HMCN1: variants seen among roughly 807,000 people sequenced by gnomAD.
HMCN1 encodes the protein hemicentin-1.
A neutral mutation model predicts 625.9 loss-of-function variants in HMCN1; 321 were observed. The observed-to-expected ratio is 0.51, with a 90% CI of 0.47 to 0.56. HMCN1 has a LOEUF of 0.56. Ranked by LOEUF, HMCN1 falls within the 20% of genes least tolerant of loss-of-function variation. The pLI, the probability that HMCN1 is intolerant of heterozygous loss-of-function variation, is 0.00. For synonymous variants in HMCN1, 2,425 were observed against 2,417.6 expected, an observed-to-expected ratio of 1.00 and a Z score of -0.09; for missense variants, 6,588 against 6,887.3, an observed-to-expected ratio of 0.96 and a Z score of 1.54.
chr1:186,019,435 C>A, intron 34 of HMCN1, 106 bp from the exon 35 acceptor site: 1 of 707,378 alleles, frequency 1.4e-6, no homozygotes, highest in Non-Finnish European at 2.4e-6. Flanking sequence ...TAGGGATTTG[C>A]TTTTTTTTTT....
chr1:186,161,913 C>T (rs1055459133), intron 97 of HMCN1, among the ~76,000 whole-genome samples: 3 of 152,096 alleles, frequency 2.0e-5, no homozygotes, highest in South Asian at 2.1e-4. Flanking sequence ...TTGCTCTTCT[C>T]AAGGAGTATC....
rs566400224 is a variant in HMCN1, at chr1:186,160,256, C to G, written c.15257-4855C>G. ...ATGGTAGTTTGTATTTCTGTGGGAT[C>G]GGTGGTGATATCCCCTTTATCATTT... On this transcript the variant is annotated intron_variant, in intron 97 of 106. Coordinates refer to ENST00000271588, the MANE Select transcript of HMCN1 (RefSeq NM_031935.3). Among the ~76,000 whole-genome samples the G allele has an allele frequency of 9.0e-3, 1,223 of 135,938 alleles. 5 individuals carry two copies. Among genetic ancestry groups the G allele is most frequent in the African/African-American group, 0.029 (996 of 34,648 alleles). The allele number at this position is 135,938 out of a possible 152,430, so 89.2% of individuals were successfully genotyped here. A position where few individuals can be genotyped will look rare whatever the true frequency, so the allele number is the denominator to read the frequency against.
chr1:185,767,673 T>A (rs1407136), intron 1 of HMCN1, among the ~76,000 whole-genome samples: 86,887 of 152,072 alleles, frequency 0.57, 27,955 homozygotes, highest in African/African-American at 0.89. Context: ...CAAATGTTGG[T>A]TATGTAATAT....
chr1:185,905,227 C>T lies in HMCN1; in HGVS notation c.622-4110C>T, dbSNP rs922271519. Among the ~76,000 whole-genome samples, 4 of 151,732 alleles carry T rather than the reference C, an allele frequency of 2.6e-5. No homozygotes were observed. The East Asian group carries it at 7.7e-4, about 29-fold the overall frequency. ...AGACCTGATATAAAATTCTTCCCTC[C>T]CTCCCATTTTCTCTCTCTCTTGTCC... is the stretch of plus-strand genomic sequence containing the variant. On this transcript the variant is annotated intron_variant, in intron 4 of 106. Coordinates refer to ENST00000271588, the MANE Select transcript of HMCN1 (RefSeq NM_031935.3).
At chr1:185,915,188 G>T (rs928434759) in intron 6 of HMCN1, among the ~76,000 whole-genome samples, 1 of 151,994 alleles carries the variant, frequency 6.6e-6, no homozygotes, top group Admixed American at 6.6e-5. Flanking sequence ...TGCAGGTAAA[G>T]CATGTTAAAA....
chr1:186,161,243 C>T (rs1181978709), intron 97 of HMCN1, among the ~76,000 whole-genome samples: 2 of 151,198 alleles, frequency 1.3e-5, no homozygotes, highest in Non-Finnish European at 3.0e-5. Flanking sequence ...GGATTGCAAC[C>T]CCTGCCTTTT....
rs148307758 is a variant in HMCN1 at position 186,081,236 on chromosome 1, G to A, written c.8629G>A (p.Asp2877Asn). The A allele has an allele frequency of 5.9e-5, 96 of 1,613,638 alleles. No homozygotes were observed. The highest frequency in any genetic ancestry group is 1.6e-4 in the Middle Eastern group (1 of 6,080). ...GCCAATTATCAAGGGAGCAAATAGT[G>A]ATCTCCCTGAAGAGGTCACCGTGCT... Reference protein sequence around the residue: ...VPPIIKGANSDLPEEVTVLVN... With the variant: ...VPPIIKGANSNLPEEVTVLVN... Residue 2877 changes from aspartate (D) to asparagine (N), a missense_variant, in exon 56 of 107, where the codon GAT becomes AAT. Asp to Asn is a conservative substitution (Grantham distance 23). This residue lies in a region of HMCN1 where 4,628 missense variants were observed against 4,853.1 expected (regional missense o/e 0.95). Transcript: ENST00000271588.
intron 62 of HMCN1, 72 bp from the exon 63 acceptor site, chr1:186,088,529 CATTTT>C (rs1170726147): frequency 6.6e-7 from 1 of 1,515,610 alleles, no homozygotes; most frequent in Non-Finnish European, 9.0e-7. Context: ...TAAAGTAAGA[CATTTT>C]ATCATGAATT....
intron 1 of HMCN1, among the ~76,000 whole-genome samples, chr1:185,841,577 C>G (rs1024971491): frequency 6.6e-6 from 1 of 152,178 alleles, no homozygotes; most frequent in Non-Finnish European, 1.5e-5. Flanking sequence ...CCTCCTTCCT[C>G]CTATATTCAA....
chr1:186,180,836 A>C (rs1652887521), intron 104 of HMCN1, among the ~76,000 whole-genome samples: 2 of 152,208 alleles, frequency 1.3e-5, no homozygotes, highest in Admixed American at 6.5e-5. Context: ...ATTGGGACTA[A>C]TGAAGAAATA....
intron 106 of HMCN1, among the ~76,000 whole-genome samples, chr1:186,189,101 G>T (rs1362698607): frequency 2.0e-5 from 3 of 152,044 alleles, no homozygotes; most frequent in Non-Finnish European, 4.4e-5. Context: ...AATATATTTT[G>T]TTTCACCTTT....
rs116197078 is a variant in HMCN1 at position 185,873,173 on chromosome 1, T to C, written c.621+7310T>C. On this transcript the variant is annotated intron_variant, in intron 4 of 106. Coordinates refer to ENST00000271588, the MANE Select transcript of HMCN1 (RefSeq NM_031935.3). ...TTTTGATTAGAAGCTAAATAAAATA[T>C]CAAGTTTGACTATGAGATGTTAGAG... Among the ~76,000 whole-genome samples the C allele has an allele frequency of 2.0e-3, 297 of 152,268 alleles. 1 individual carries two copies. The Middle Eastern group carries it at 0.027, about 14-fold the overall frequency.
intron 42 of HMCN1, among the ~76,000 whole-genome samples, chr1:186,051,244 A>T (rs1558177374): frequency 6.6e-6 from 1 of 152,104 alleles, no homozygotes; most frequent in Non-Finnish European, 1.5e-5. Flanking sequence ...TCAGGTCTGT[A>T]TTTTAGAAGA....
At chr1:186,015,856 T>G in intron 31 of HMCN1, 102 bp from the exon 32 acceptor site, 1 of 1,142,272 alleles carries the variant, frequency 8.8e-7, no homozygotes, top group Non-Finnish European at 1.3e-6. Flanking sequence ...ATTTTAATGG[T>G]CAAACTTTGT....
At chr1:186,156,704 C>G (rs115890876) in intron 97 of HMCN1, among the ~76,000 whole-genome samples, 1 of 152,100 alleles carries the variant, frequency 6.6e-6, no homozygotes, top group Admixed American at 6.5e-5. Flanking sequence ...GTTTTATCCA[C>G]TGTTATTTAT....
rs763947609 is a variant in HMCN1, at chr1:186,112,943, C to A, written c.11121C>A (p.Leu3707=). 7 of 1,613,942 alleles carry A rather than the reference C, an allele frequency of 4.3e-6. No individual in the cohort carries two copies. Among genetic ancestry groups the A allele is most frequent in the Non-Finnish European group, 5.1e-6 (6 of 1,179,964 alleles). ...IAGKTTREFI[L]TVNVPPNIKG... ...GAAAGACTACAAGAGAATTTATTCT[C>A]ACTGTAAATGGTAAGAAAAGGTATT... The change falls in exon 72 of 107, where the codon CTC becomes CTA. Residue 3707 remains leucine, a synonymous_variant. Transcript: ENST00000271588.
chr1:186,069,942 G>T (rs1010339782), intron 51 of HMCN1, among the ~76,000 whole-genome samples, 166 bp downstream of exon 51: 2 of 152,256 alleles, frequency 1.3e-5, no homozygotes, highest in South Asian at 4.1e-4. Flanking sequence ...TGTGTCTATG[G>T]CCTCAATTGC....
intron 84 of HMCN1, 103 bp downstream of exon 84, chr1:186,130,203 A>G (rs1661857444): frequency 1.4e-6 from 2 of 1,467,058 alleles, no homozygotes. Context: ...TCAAGTTTTT[A>G]ATCCACTCAG....
chr1:186,090,377 T>A (rs1307625842), intron 63 of HMCN1, among the ~76,000 whole-genome samples: 1 of 151,956 alleles, frequency 6.6e-6, no homozygotes, highest in Non-Finnish European at 1.5e-5. Flanking sequence ...AGTCTATAAG[T>A]CTAGTGAATT....
Sources: gnomAD v4.1 joint callset for allele counts (sites outside exome capture counted in the v4.1 genomes callset) on GRCh38, gnomAD v4.1.1 for gene constraint, gnomAD v4.1.1 regional missense constraint, MANE v1.5 for transcripts, NCBI Gene and HGNC (gene_info 2026-07-23, HGNC 2026-07-21) for gene names.